Variants in ANKRD28 observed in about 807,000 individuals in gnomAD.
ANKRD28 encodes the protein serine/threonine-protein phosphatase 6 regulatory ankyrin repeat subunit A.
ANKRD28 carries 44 observed loss-of-function variants against 126.5 expected under a neutral mutation model. The observed-to-expected ratio is 0.35, with a 90% CI of 0.27 to 0.45. The LOEUF (loss-of-function observed/expected upper bound fraction) is 0.45, where lower values mean the gene tolerates loss of function less well. Among genes scored for constraint, ANKRD28 ranks in the 20% least tolerant of loss-of-function variants. ANKRD28 has a pLI of 1.00. For missense variants in ANKRD28, 1,110 were observed against 1,316.6 expected, an observed-to-expected ratio of 0.84 and a Z score of 2.43; for synonymous variants, 442 against 468.5, an observed-to-expected ratio of 0.94 and a Z score of 0.73.
At chr3:15,834,665 C>T (rs960066451) in intron 1 of ANKRD28, among the ~76,000 whole-genome samples, 4 of 152,128 alleles carry the variant, frequency 2.6e-5, no homozygotes, top group Non-Finnish European at 5.9e-5. Flanking sequence ...CCTTTCATTT[C>T]ATACTTCTAT....
intron 14 of ANKRD28, among the ~76,000 whole-genome samples, chr3:15,703,197 T>C (rs2070871369): frequency 6.6e-6 from 1 of 152,104 alleles, no homozygotes; most frequent in African/African-American, 2.4e-5. Context: ...ATCAGATACA[T>C]AGGAATAAAT....
At position 15,696,187 on chromosome 3, in the gene ANKRD28, A is replaced by G; in HGVS notation, c.1606T>C (p.Tyr536His). The G allele has an allele frequency of 2.5e-6, 4 of 1,594,780 alleles. No homozygotes were observed. Among genetic ancestry groups the G allele is most frequent in the Non-Finnish European group, 3.4e-6 (4 of 1,168,894 alleles). ...GCAGCTGAATAATGAACTGCGTTGT[A>G]TCCTTGCTTATCACGGATCCCTGGA... ...ANPGIRDKQG[Y>H]NAVHYSAAYG... The change falls in exon 15 of 28, where the codon TAC becomes CAC. Residue 536 changes from tyrosine (Y) to histidine (H), a missense_variant. By Grantham distance (83) the Tyr-to-His change is moderately conservative (BLOSUM62 2). Coordinates refer to ENST00000683139, the MANE Select transcript of ANKRD28 (RefSeq NM_001349278.2).
Position 15,766,264 on chromosome 3 carries a change from C to T in ANKRD28, c.250G>A (p.Ala84Thr). The T allele has an allele frequency of 6.2e-7, 1 of 1,611,256 alleles. No homozygotes were observed. Among genetic ancestry groups the T allele is most frequent in the Non-Finnish European group, 8.5e-7 (1 of 1,178,222 alleles). Residue 84 changes from alanine (A) to threonine (T), a missense_variant, in exon 3 of 28, where the codon GCA becomes ACA. Physicochemically the swap from Ala to Thr is moderately conservative, Grantham distance 58. Transcript: ENST00000683139. ...AAAATAAGAAGTTCAATGATTTCTG[C>T]ATCTCCAAGGTAAGCTGCGGCGTGC... ...PLHAAAYLGD[A>T]EIIELLILSG...
upstream of ANKRD28, among the ~76,000 whole-genome samples, chr3:15,802,521 G>T (rs1308734196): frequency 6.6e-6 from 1 of 152,110 alleles, no homozygotes; most frequent in Non-Finnish European, 1.5e-5. Flanking sequence ...TTCGAGCCCT[G>T]TTCTTCCAAC....
At chr3:15,763,524 T>C (rs2058595195) in intron 3 of ANKRD28, among the ~76,000 whole-genome samples, 1 of 152,134 alleles carries the variant, frequency 6.6e-6, no homozygotes, top group Non-Finnish European at 1.5e-5. Flanking sequence ...GGATGTCAGG[T>C]AACAATAAAC....
intron 6 of ANKRD28, among the ~76,000 whole-genome samples, chr3:15,727,634 GTATTAT>G (rs1163953228): frequency 6.7e-6 from 1 of 148,708 alleles, no homozygotes; most frequent in East Asian, 2.0e-4. Context: ...GGAGGTCAAA[GTATTAT>G]TATTAACAGG....
At chr3:15,674,148 G>A (rs1412521662) in intron 27 of ANKRD28, among the ~76,000 whole-genome samples, 1 of 114,844 alleles carries the variant, frequency 8.7e-6, no homozygotes, top group Non-Finnish European at 1.6e-5. Flanking sequence ...CTCTAGTCTG[G>A]GCAACAGAGT....
Position 15,817,581 on chromosome 3 carries a change from C to G in ANKRD28, c.28-22275G>C, listed in dbSNP as rs545154980. On this transcript the variant is annotated intron_variant, in intron 1 of 27. Coordinates refer to the ANKRD28 transcript ENST00000399451. The surrounding 1 kb of genome is among the most constrained non-coding windows in gnomAD (Gnocchi z 4.5). ...TCACAAGATATACCAGTTGATGAAT[C>G]CTATGAGGAAAACTGGAGGGCAACC... 7.2e-5 allele frequency among the ~76,000 whole-genome samples: 11 copies of G among 152,172 alleles called. No homozygotes were observed. The East Asian group carries it at 2.1e-3, about 29-fold the overall frequency.
At chr3:15,773,263 A>C (rs1315234267) in intron 2 of ANKRD28, among the ~76,000 whole-genome samples, 1 of 152,244 alleles carries the variant, frequency 6.6e-6, no homozygotes, top group Non-Finnish European at 1.5e-5. Context: ...GGTATCATTT[A>C]GAATAGCATC....
intron 27 of ANKRD28, among the ~76,000 whole-genome samples, chr3:15,674,265 T>C (rs973899097): frequency 1.3e-5 from 2 of 150,634 alleles, no homozygotes; most frequent in Admixed American, 6.6e-5. Context: ...GTCAGTCTGG[T>C]AGCAGTAAAG....
At chr3:15,683,095 C>T (rs187787601) in intron 21 of ANKRD28, among the ~76,000 whole-genome samples, 1 of 152,246 alleles carries the variant, frequency 6.6e-6, no homozygotes, top group African/African-American at 2.4e-5. Context: ...AGCAACTCTC[C>T]AAAGGACAGT....
intron 1 of ANKRD28, among the ~76,000 whole-genome samples, chr3:15,837,682 T>C (rs1241267127): frequency 3.3e-5 from 5 of 151,984 alleles, no homozygotes; most frequent in Non-Finnish European, 7.4e-5. Context: ...GGCACAGTGA[T>C]GTTAAAAAAG....
At chr3:15,754,250 T>C (rs2058037183) in intron 3 of ANKRD28, among the ~76,000 whole-genome samples, 1 of 152,184 alleles carries the variant, frequency 6.6e-6, no homozygotes, top group African/African-American at 2.4e-5. Context: ...TCCTGCTCCA[T>C]CCACCCAGGA....
At chr3:15,718,510 T>G (rs1244023286) in intron 8 of ANKRD28, among the ~76,000 whole-genome samples, 1 of 152,120 alleles carries the variant, frequency 6.6e-6, no homozygotes, top group Admixed American at 6.6e-5. Context: ...ATTCTACATT[T>G]CAAAAGAAAA....
chr3:15,810,652 C>G (rs2060692462), intron 1 of ANKRD28, among the ~76,000 whole-genome samples: 1 of 150,686 alleles, frequency 6.6e-6, no homozygotes, highest in Non-Finnish European at 1.5e-5. Context: ...TTAGCATCAA[C>G]ACTACATGAG....
At chr3:15,753,132 T>C (rs537295631) in intron 3 of ANKRD28, among the ~76,000 whole-genome samples, 17 of 152,132 alleles carry the variant, frequency 1.1e-4, no homozygotes, top group Non-Finnish European at 2.4e-4. Context: ...CTTTGAACAA[T>C]GCTCACAGTT....
chr3:15,693,715 T>C (rs965406838), intron 17 of ANKRD28, among the ~76,000 whole-genome samples: 6 of 152,118 alleles, frequency 3.9e-5, no homozygotes, highest in African/African-American at 2.4e-5. Context: ...TTATTTACTA[T>C]GCATGTCTGG....
rs770198777 is a variant in ANKRD28, at chr3:15,679,480, C to A, written c.2473G>T (p.Ala825Ser). ...EGNAFSPLHC[A>S]VINDNEGAAE... ...ATTCATTCTGGCTTTACTTACACGGCACAATGCAATGGACTAAAAGCATTT... is the reference window on the plus strand; with the variant it reads ...ATTCATTCTGGCTTTACTTACACGGAACAATGCAATGGACTAAAAGCATTT... Residue 825 changes from alanine to serine, a missense_variant, in exon 22 of 28, where the codon GCC becomes TCC. Coordinates refer to ENST00000683139, the MANE Select transcript of ANKRD28 (RefSeq NM_001349278.2). The A allele has an allele frequency of 8.7e-6, 14 of 1,613,904 alleles. No homozygotes were observed. In the South Asian group the frequency reaches 1.3e-4, roughly 15 times the overall value.
At chr3:15,676,665 A>T (rs1361101923) in intron 26 of ANKRD28, 4 of 227,444 alleles carry the variant, frequency 1.8e-5, no homozygotes, top group Non-Finnish European at 3.5e-5. Context: ...CAAGTAACAT[A>T]TTATTACAGT....
Sources: allele counts gnomAD v4.1 joint callset (sites outside exome capture counted in the v4.1 genomes callset), GRCh38; gene constraint gnomAD v4.1.1; non-coding constraint Gnocchi (gnomAD v3.1); transcripts MANE v1.5; gene names NCBI Gene and HGNC (gene_info 2026-07-23, HGNC 2026-07-21).